Variants in GRIP1 observed in about 807,000 individuals in gnomAD.
GRIP1 encodes glutamate receptor-interacting protein 1.
GRIP1 carries 45 observed loss-of-function variants against 129.9 expected under a neutral mutation model. The ratio of observed to expected loss-of-function variants is 0.35; its 90% confidence interval spans 0.27 to 0.44. The LOEUF (loss-of-function observed/expected upper bound fraction) is 0.44, where lower values mean the gene tolerates loss of function less well. GRIP1 is among the 20% of genes least tolerant of loss of function. The pLI, the probability that GRIP1 is intolerant of heterozygous loss-of-function variation, is 1.00. For missense variants in GRIP1, 1,196 were observed against 1,396.8 expected (o/e 0.86, Z 2.29); for synonymous variants, 530 against 520.8 (o/e 1.02, Z -0.24).
At position 66,348,403 on chromosome 12, in the gene GRIP1, A is replaced by G. The variant is rs1168308; in HGVS notation, c.*616T>C. On this transcript the variant is annotated 3_prime_UTR_variant, in exon 25 of 25. Transcript: ENST00000359742. Reference sequence around the variant, plus strand: ...ATTTGTTGCATAGGGAATAGCATACATCTTAGTTAAAATCATTCCTATACG... The same window carrying G: ...ATTTGTTGCATAGGGAATAGCATACGTCTTAGTTAAAATCATTCCTATACG... 72,695 of 154,390 alleles carry G rather than the reference A, an allele frequency of 0.47. 17,542 individuals carry two copies. The highest frequency in any genetic ancestry group is 0.58 in the East Asian group (3,004 of 5,206). 9.6% of individuals were successfully genotyped at this position (154,390 alleles called of 1,614,324 possible).
chr12:66,528,345 G>A (rs1235404941), intron 5 of GRIP1, among the ~76,000 whole-genome samples: 1 of 152,034 alleles, frequency 6.6e-6, no homozygotes, highest in African/African-American at 2.4e-5. Flanking sequence ...CACCGTGTTA[G>A]CCAGGATGGT....
chr12:66,978,062 A>G (rs1164832878), intron 1 of GRIP1, among the ~76,000 whole-genome samples: 1 of 151,638 alleles, frequency 6.6e-6, no homozygotes, highest in Non-Finnish European at 1.5e-5. Flanking sequence ...GCTCAAGCAA[A>G]GCTCCCACCT....
chr12:66,815,529 G>A (rs2039190223), intron 1 of GRIP1, among the ~76,000 whole-genome samples: 3 of 152,116 alleles, frequency 2.0e-5, no homozygotes, highest in African/African-American at 7.2e-5. Context: ...GGGAGGCTGG[G>A]GTGAGTGGAT....
rs760217945 is a variant in GRIP1 at position 66,349,153 on chromosome 12, T to A, written c.3253A>T (p.Asn1085Tyr). The A allele has an allele frequency of 6.2e-7, 1 of 1,614,014 alleles. No homozygotes were observed. Among genetic ancestry groups the A allele is most frequent in the Non-Finnish European group, 8.5e-7 (1 of 1,179,876 alleles). Reference sequence around the variant, plus strand: ...ATAGACTTCTGTGAAGCCAGTGGGTTTCTACTAATAACCAGGTCCAGCTTA... The same window carrying A: ...ATAGACTTCTGTGAAGCCAGTGGGTATCTACTAATAACCAGGTCCAGCTTA... The part of the protein sequence containing the change: ...GNKLDLVISR[N>Y]PLASQKSIDQ... The change falls in exon 25 of 25, where the codon AAC (asparagine) becomes TAC (tyrosine). Residue 1085 changes from asparagine (N) to tyrosine (Y), a missense_variant. Physicochemically the swap from Asn to Tyr is moderately radical, Grantham distance 143 (BLOSUM62 -2). Around this residue, in one of 5 missense-constraint regions of GRIP1, gnomAD observed 427 missense variants for 463.3 expected, o/e 0.92. Coordinates refer to ENST00000359742, the MANE Select transcript of GRIP1 (RefSeq NM_001366722.1).
intron 24 of GRIP1, among the ~76,000 whole-genome samples, 161 bp downstream of exon 24, chr12:66,353,256 A>G (rs2054320649): frequency 6.6e-6 from 1 of 152,192 alleles, no homozygotes; most frequent in Non-Finnish European, 1.5e-5. Context: ...ACTAGAGCTG[A>G]AAATTCTTTA....
chr12:66,822,851 A>G (rs1165915787), intron 1 of GRIP1, among the ~76,000 whole-genome samples: 1 of 152,136 alleles, frequency 6.6e-6, no homozygotes, highest in South Asian at 2.1e-4. Context: ...AAGGGAAAGG[A>G]GCAAAGGTCA....
intron 1 of GRIP1, among the ~76,000 whole-genome samples, chr12:66,912,651 A>C (rs1240507747): frequency 6.6e-6 from 1 of 152,188 alleles, no homozygotes; most frequent in Non-Finnish European, 1.5e-5. Context: ...TTCAACAAAA[A>C]TATGCAATAG....
intron 1 of GRIP1, among the ~76,000 whole-genome samples, chr12:66,854,079 G>C (rs972431834): frequency 3.9e-5 from 6 of 152,036 alleles, no homozygotes; most frequent in Non-Finnish European, 8.8e-5. Context: ...GCACTTTCTA[G>C]ATGCCAATTG....
intron 1 of GRIP1, among the ~76,000 whole-genome samples, chr12:66,603,182 G>GAA (rs55809755): frequency 6.8e-6 from 1 of 146,240 alleles, no homozygotes; most frequent in African/African-American, 2.5e-5. Flanking sequence ...TTGAACTTTG[G>GAA]AAAAAAAAAA....
At chr12:66,357,547 A>G (rs748889092) in intron 23 of GRIP1, among the ~76,000 whole-genome samples, 1 of 152,332 alleles carries the variant, frequency 6.6e-6, no homozygotes, top group East Asian at 1.9e-4. Flanking sequence ...GTTCTCATCA[A>G]TCTTTAATCT....
chr12:66,827,826 G>A (rs1043828743), intron 1 of GRIP1, among the ~76,000 whole-genome samples: 2 of 152,112 alleles, frequency 1.3e-5, no homozygotes, highest in African/African-American at 4.8e-5. Context: ...ATAGACATGT[G>A]TCTATAATTC....
At position 66,626,071 on chromosome 12, in the gene GRIP1, A is replaced by G. The variant is rs1369074776; in HGVS notation, c.56-29144T>C. Reference sequence around the variant, plus strand: ...CTCAAAAACACAAAACAGTTTATTTATCTTTCACTTTGGGAGGCCGACGTG... The same window carrying G: ...CTCAAAAACACAAAACAGTTTATTTGTCTTTCACTTTGGGAGGCCGACGTG... On this transcript the variant is annotated intron_variant, in intron 1 of 24. Coordinates refer to ENST00000359742, the MANE Select transcript of GRIP1 (RefSeq NM_001366722.1). 2.6e-5 allele frequency among the ~76,000 whole-genome samples: 4 copies of G among 152,196 alleles called. No individual in the cohort carries two copies. The East Asian group carries it at 7.7e-4, about 29-fold the overall frequency.
chr12:66,541,737 C>T, intron 3 of GRIP1, 78 bp downstream of exon 3: 3 of 1,436,232 alleles, frequency 2.1e-6, no homozygotes, highest in Non-Finnish European at 2.9e-6. Flanking sequence ...TATTAGTGAC[C>T]ACTTTTGATG....
intron 7 of GRIP1, among the ~76,000 whole-genome samples, chr12:66,504,564 T>C (rs2060476383): frequency 6.6e-6 from 1 of 152,132 alleles, no homozygotes; most frequent in African/African-American, 2.4e-5. Context: ...TCTTTTCCTT[T>C]AAATTTCAAA....
intron 1 of GRIP1, among the ~76,000 whole-genome samples, chr12:67,025,273 G>A (rs1001846231): frequency 2.6e-5 from 4 of 152,066 alleles, no homozygotes; most frequent in Non-Finnish European, 5.9e-5. Flanking sequence ...CCTGGGAGGT[G>A]GAGGTTGCAG....
intron 1 of GRIP1, among the ~76,000 whole-genome samples, chr12:66,903,880 G>A (rs2040884529): frequency 6.6e-6 from 1 of 152,190 alleles, no homozygotes; most frequent in Admixed American, 6.5e-5. Flanking sequence ...GATGGAGGAT[G>A]AGGAAGAGAG....
At chr12:66,808,941 T>A (rs1399417725), upstream of GRIP1, among the ~76,000 whole-genome samples, 5 of 152,172 alleles carry the variant, frequency 3.3e-5, no homozygotes, top group African/African-American at 4.8e-5. Flanking sequence ...CCCCTATATT[T>A]TGATGTAAAG....
At chr12:66,564,685 C>A (rs932766928) in intron 2 of GRIP1, among the ~76,000 whole-genome samples, 1 of 152,096 alleles carries the variant, frequency 6.6e-6, no homozygotes, top group Non-Finnish European at 1.5e-5. Flanking sequence ...AGTTCTAGAT[C>A]CCTGAGGAAT....
At chr12:66,564,881 T>C (rs1040000863) in intron 2 of GRIP1, among the ~76,000 whole-genome samples, 2 of 152,288 alleles carry the variant, frequency 1.3e-5, no homozygotes, top group Non-Finnish European at 2.9e-5. Flanking sequence ...TGGCCAGTGA[T>C]GATGAGCATT....
Sources: allele counts gnomAD v4.1 joint callset (sites outside exome capture counted in the v4.1 genomes callset), GRCh38; gene constraint gnomAD v4.1.1; regional missense constraint gnomAD v4.1.1; transcripts MANE v1.5; gene names NCBI Gene and HGNC (gene_info 2026-07-23, HGNC 2026-07-21).